MTMR7: variants seen among roughly 807,000 people sequenced by gnomAD.
MTMR7 encodes phosphatidylinositol-3-phosphate phosphatase MTMR7.
In MTMR7, 76 loss-of-function variants were observed where a neutral mutation model predicts 81.2. That is an observed-to-expected ratio of 0.94 (90% CI 0.78 to 1.13). The LOEUF (loss-of-function observed/expected upper bound fraction) is 1.13, where lower values mean the gene tolerates loss of function less well. MTMR7 is among the 50% of genes most tolerant of loss of function. MTMR7 has a pLI of 0.00. For synonymous variants in MTMR7, 372 were observed against 289.8 expected (o/e 1.28, Z -2.88); for missense variants, 1,044 against 820.0 (o/e 1.27, Z -3.34).
At chr8:17,313,869 C>T (rs1242218370) in intron 7 of MTMR7, among the ~76,000 whole-genome samples, 2 of 152,126 alleles carry the variant, frequency 1.3e-5, no homozygotes, top group Admixed American at 6.6e-5. Context: ...CAAGACAGAG[C>T]GATCCTAAAT....
At chr8:17,301,186 TAA>T (rs951153666) in intron 13 of MTMR7, among the ~76,000 whole-genome samples, 1 of 152,178 alleles carries the variant, frequency 6.6e-6, no homozygotes, top group Non-Finnish European at 1.5e-5. Flanking sequence ...AAGAGATAGA[TAA>T]ATACAGACCC....
chr8:17,360,711 A>T (rs1820033759), intron 4 of MTMR7, among the ~76,000 whole-genome samples: 1 of 152,026 alleles, frequency 6.6e-6, no homozygotes, highest in Non-Finnish European at 1.5e-5. Context: ...GCAAGGACTC[A>T]GTGAGTACAT....
intron 1 of MTMR7, among the ~76,000 whole-genome samples, chr8:17,380,173 G>A (rs10102007): frequency 6.6e-6 from 1 of 152,098 alleles, no homozygotes; most frequent in Non-Finnish European, 1.5e-5. Flanking sequence ...CTGAAGGTAA[G>A]AGAACTGGGG....
At chr8:17,312,619 C>T (rs1400447188) in intron 8 of MTMR7, among the ~76,000 whole-genome samples, 1 of 147,996 alleles carries the variant, frequency 6.8e-6, no homozygotes, top group Non-Finnish European at 1.5e-5. Context: ...TCTCCCCCAG[C>T]AGAATATAAG....
chr8:17,361,018 A>C (rs1820043500), intron 4 of MTMR7, 99 bp downstream of exon 4: 3 of 1,320,268 alleles, frequency 2.3e-6, no homozygotes, highest in Non-Finnish European at 3.2e-6. Flanking sequence ...GATATCTACA[A>C]AGAGCTATAA....
chr8:17,360,306 G>A (rs1820019831), intron 4 of MTMR7, among the ~76,000 whole-genome samples: 1 of 152,120 alleles, frequency 6.6e-6, no homozygotes. Flanking sequence ...ATCTCTGAAT[G>A]ATGGCAGTTT....
At position 17,299,304 on chromosome 8, in the gene MTMR7, T is replaced by TA. The variant is rs1816943767; in HGVS notation, c.*557dup. 1 of 152,468 alleles carries TA rather than the reference T, an allele frequency of 6.6e-6. No individual in the cohort carries two copies. The highest frequency in any genetic ancestry group is 2.4e-5 in the African/African-American group (1 of 41,568). 9.4% of individuals were successfully genotyped at this position (152,468 alleles called of 1,614,324 possible). A position where few individuals can be genotyped will look rare whatever the true frequency, so the allele number is the denominator to read the frequency against. On this transcript the variant is annotated 3_prime_UTR_variant, in exon 14 of 14. Coordinates refer to ENST00000180173, the MANE Select transcript of MTMR7 (RefSeq NM_004686.5). ...CAAAATATATGCTCCAAGGAAAAGT[T>TA]AAAGTGATGATTATGCCTGAAAGAT...
intron 1 of MTMR7, among the ~76,000 whole-genome samples, chr8:17,400,659 T>C (rs1821400200): frequency 6.6e-6 from 1 of 152,202 alleles, no homozygotes; most frequent in South Asian, 2.1e-4. Context: ...GGTTTAAAGA[T>C]GGATTCTTAT....
chr8:17,356,848 C>T (rs528084156), intron 4 of MTMR7, among the ~76,000 whole-genome samples: 1 of 152,098 alleles, frequency 6.6e-6, no homozygotes, highest in Non-Finnish European at 1.5e-5. Context: ...TACCAACCGT[C>T]GGGGAGTCTG....
At chr8:17,322,089 A>G (rs1176015001) in intron 7 of MTMR7, among the ~76,000 whole-genome samples, 1 of 151,840 alleles carries the variant, frequency 6.6e-6, no homozygotes, top group Admixed American at 6.6e-5. Context: ...TGAAACATAT[A>G]CAGCCCTCCC....
At chr8:17,318,313 C>T (rs556312610) in intron 7 of MTMR7, among the ~76,000 whole-genome samples, 25 of 152,196 alleles carry the variant, frequency 1.6e-4, no homozygotes, top group Admixed American at 3.3e-4. Flanking sequence ...AGCAGCGCTT[C>T]CACAGTTCTG....
intron 12 of MTMR7, among the ~76,000 whole-genome samples, chr8:17,303,707 T>G (rs1563314135): frequency 6.6e-6 from 1 of 151,874 alleles, no homozygotes; most frequent in Non-Finnish European, 1.5e-5. Flanking sequence ...CCTCCCTGGT[T>G]CAAGTGATTC....
chr8:17,375,771 G>A (rs1363864100), intron 1 of MTMR7, among the ~76,000 whole-genome samples: 1 of 152,108 alleles, frequency 6.6e-6, no homozygotes, highest in Non-Finnish European at 1.5e-5. Flanking sequence ...GTAATAATGT[G>A]TTGCTTCCTT....
intron 3 of MTMR7, among the ~76,000 whole-genome samples, chr8:17,368,920 A>G (rs754159518): frequency 7.9e-5 from 12 of 152,184 alleles, no homozygotes; most frequent in Non-Finnish European, 1.5e-4. Context: ...TTTTAAGGAA[A>G]AAGTATCTCT....
At chr8:17,398,683 T>A (rs1821331292) in intron 1 of MTMR7, among the ~76,000 whole-genome samples, 1 of 152,090 alleles carries the variant, frequency 6.6e-6, no homozygotes, top group Admixed American at 6.5e-5. Context: ...AGAACTATGG[T>A]GTGTGAACTA....
chr8:17,392,711 T>C (rs1444722666), intron 1 of MTMR7, among the ~76,000 whole-genome samples: 1 of 152,206 alleles, frequency 6.6e-6, no homozygotes, highest in Non-Finnish European at 1.5e-5. Flanking sequence ...GGGTGTGAAC[T>C]AGAGTTGGGT....
At chr8:17,326,885 T>C (rs1040191462) in intron 7 of MTMR7, among the ~76,000 whole-genome samples, 4 of 152,134 alleles carry the variant, frequency 2.6e-5, no homozygotes, top group African/African-American at 7.2e-5. Flanking sequence ...ATAATAAATA[T>C]CATTTTTTAA....
intron 7 of MTMR7, among the ~76,000 whole-genome samples, chr8:17,316,076 A>G (rs1818051624): frequency 1.3e-5 from 2 of 152,138 alleles, no homozygotes; most frequent in African/African-American, 2.4e-5. Flanking sequence ...CTTTCCTATG[A>G]AGATTGTTAA....
chr8:17,398,526 G>C (rs532864894), intron 1 of MTMR7, among the ~76,000 whole-genome samples: 4 of 151,912 alleles, frequency 2.6e-5, no homozygotes, highest in African/African-American at 9.7e-5. Flanking sequence ...ACACAAAGGA[G>C]TAAAAAACAA....
Sources: allele counts gnomAD v4.1 joint callset (sites outside exome capture counted in the v4.1 genomes callset), GRCh38; gene constraint gnomAD v4.1.1; transcripts MANE v1.5; gene names NCBI Gene and HGNC (gene_info 2026-07-23, HGNC 2026-07-21).